SPMAP2L: variants seen among roughly 807,000 people sequenced by gnomAD.
SPMAP2L encodes the protein sperm microtubule associated protein 2-like.
chr4:56,620,634 C>T, the SPMAP2L span, among the ~76,000 whole-genome samples: 4 of 152,256 alleles, frequency 2.6e-5, no homozygotes, highest in African/African-American at 7.2e-5. Context: ...ATCTGCCCGC[C>T]TCGGCCTCCC....
the SPMAP2L span, among the ~76,000 whole-genome samples, chr4:56,610,587 C>G: frequency 1.3e-5 from 2 of 152,258 alleles, no homozygotes; most frequent in African/African-American, 4.8e-5. Flanking sequence ...GCAACAAAAA[C>G]AAAGATAAAT....
chr4:56,596,792 G>A, the SPMAP2L span, among the ~76,000 whole-genome samples: 1 of 152,230 alleles, frequency 6.6e-6, no homozygotes, highest in African/African-American at 2.4e-5. Context: ...GGGAGAGAGG[G>A]AAAAGAGTAG....
chr4:56,565,840 C>A, the SPMAP2L span, among the ~76,000 whole-genome samples: 2 of 152,054 alleles, frequency 1.3e-5, no homozygotes, highest in African/African-American at 4.8e-5. Context: ...TTTATTATTA[C>A]AAATTGACCC....
the SPMAP2L span, chr4:56,593,735 G>C: frequency 6.4e-7 from 1 of 1,569,612 alleles, no homozygotes; most frequent in Non-Finnish European, 8.8e-7. Flanking sequence ...TGGGAAAGAA[G>C]TGTATTGTCT....
At chr4:56,614,739 A>G in the SPMAP2L span, among the ~76,000 whole-genome samples, 2 of 152,218 alleles carry the variant, frequency 1.3e-5, no homozygotes, top group Admixed American at 6.5e-5. Context: ...GAGTACAGGC[A>G]TGGCACAGGG....
At chr4:56,612,407 T>A in the SPMAP2L span, among the ~76,000 whole-genome samples, 1 of 152,158 alleles carries the variant, frequency 6.6e-6, no homozygotes, top group Non-Finnish European at 1.5e-5. Flanking sequence ...AGTGGTGCGA[T>A]CTTGTCTCAC....
the SPMAP2L span, among the ~76,000 whole-genome samples, chr4:56,548,138 T>G: frequency 2.0e-5 from 3 of 152,192 alleles, no homozygotes; most frequent in Non-Finnish European, 4.4e-5. Flanking sequence ...TCCAACATCT[T>G]TATACTTTGC....
chr4:56,593,199 C>T, the SPMAP2L span: 1 of 1,459,256 alleles, frequency 6.9e-7, no homozygotes, highest in Non-Finnish European at 9.6e-7. Context: ...AACTACCAGA[C>T]CATGGTGTGT....
chr4:56,560,394 A>G, the SPMAP2L span, among the ~76,000 whole-genome samples: 2 of 152,086 alleles, frequency 1.3e-5, no homozygotes. Context: ...ATTGTTGCCC[A>G]ATGTCCTGTC....
chr4:56,598,098 A>G, the SPMAP2L span, among the ~76,000 whole-genome samples: 19 of 152,318 alleles, frequency 1.2e-4, no homozygotes, highest in African/African-American at 4.3e-4. Context: ...CCTGAGCTCA[A>G]GTGATCCTTG....
At chr4:56,593,202 T>C in the SPMAP2L span, 6 of 1,450,274 alleles carry the variant, frequency 4.1e-6, no homozygotes, top group Non-Finnish European at 5.8e-6. Flanking sequence ...TACCAGACCA[T>C]GGTGTGTGAC....
the SPMAP2L span, among the ~76,000 whole-genome samples, chr4:56,618,067 G>A: frequency 1.3e-5 from 2 of 152,142 alleles, no homozygotes; most frequent in Non-Finnish European, 2.9e-5. Flanking sequence ...TGGCCAGGGT[G>A]GTCTTGGAAG....
the SPMAP2L span, chr4:56,593,711 A>G: frequency 6.3e-7 from 1 of 1,585,020 alleles, no homozygotes; most frequent in Non-Finnish European, 8.7e-7. Context: ...GGTGGGGGCA[A>G]CAAGAGACGC....
the SPMAP2L span, among the ~76,000 whole-genome samples, chr4:56,582,295 T>C: frequency 6.6e-6 from 1 of 152,196 alleles, no homozygotes; most frequent in Non-Finnish European, 1.5e-5. Flanking sequence ...TTGAAAATCA[T>C]ATATCTGATC....
the SPMAP2L span, among the ~76,000 whole-genome samples, chr4:56,557,040 G>A: frequency 5.3e-5 from 8 of 150,050 alleles, no homozygotes; most frequent in Non-Finnish European, 1.0e-4. Context: ...CTTGACGTCA[G>A]GAGTTTGAGA....
At chr4:56,531,371 G>A in the SPMAP2L span, among the ~76,000 whole-genome samples, 5 of 152,166 alleles carry the variant, frequency 3.3e-5, no homozygotes, top group Admixed American at 2.0e-4. Flanking sequence ...GACTCAGATG[G>A]GAAACTGACA....
At chr4:56,608,016 A>G in the SPMAP2L span, among the ~76,000 whole-genome samples, 1 of 151,522 alleles carries the variant, frequency 6.6e-6, no homozygotes, top group East Asian at 1.9e-4. Flanking sequence ...AAAAAAAAGA[A>G]AGAAAGAAAA....
the SPMAP2L span, among the ~76,000 whole-genome samples, chr4:56,583,037 C>G: frequency 1.3e-5 from 2 of 152,124 alleles, no homozygotes; most frequent in Non-Finnish European, 2.9e-5. Context: ...CTTTGGGAGG[C>G]TGAGGTGGGC....
At chr4:56,553,091 C>G in the SPMAP2L span, among the ~76,000 whole-genome samples, 2 of 151,934 alleles carry the variant, frequency 1.3e-5, no homozygotes, top group Non-Finnish European at 2.9e-5. Flanking sequence ...CAAGCTGGAC[C>G]CTTAGTCCTT....
Sources: gnomAD v4.1 joint callset for allele counts (sites outside exome capture counted in the v4.1 genomes callset) on GRCh38, gnomAD v4.1.1 for gene constraint, MANE v1.5 for transcripts, NCBI Gene and HGNC (gene_info 2026-07-23, HGNC 2026-07-21) for gene names.